Variants in CALY observed in about 807,000 individuals in gnomAD.
The protein encoded by CALY is neuron-specific vesicular protein calcyon.
In CALY, 15 loss-of-function variants were observed where a neutral mutation model predicts 20.2. The observed-to-expected ratio is 0.74, with a 90% CI of 0.50 to 1.14. CALY has a LOEUF of 1.14. CALY is among the 50% of genes most tolerant of loss of function. The pLI, the probability that CALY is intolerant of heterozygous loss-of-function variation, is 0.00. For synonymous variants in CALY, 129 were observed against 131.8 expected, an observed-to-expected ratio of 0.98 and a Z score of 0.15; for missense variants, 270 against 304.4, an observed-to-expected ratio of 0.89 and a Z score of 0.84.
At chr10:133,327,278 G>T in intron 3 of CALY, 1 of 508,186 alleles carries the variant, frequency 2.0e-6, no homozygotes, top group Non-Finnish European at 3.5e-6. Flanking sequence ...GCAGGAATTT[G>T]CAGTTTTCCT....
At chr10:133,331,397 A>G (rs1044303991) in intron 1 of CALY, among the ~76,000 whole-genome samples, 3 of 152,254 alleles carry the variant, frequency 2.0e-5, no homozygotes, top group South Asian at 2.1e-4. Context: ...TAGACAAATC[A>G]TAAGGATCAA....
intron 1 of CALY, among the ~76,000 whole-genome samples, chr10:133,335,895 G>A (rs994263852): frequency 1.3e-5 from 2 of 152,196 alleles, no homozygotes; most frequent in Non-Finnish European, 2.9e-5. Context: ...GGTGAGTGAG[G>A]CCGTGCAGAT....
chr10:133,333,290 G>GAT (rs1564788004), intron 1 of CALY, among the ~76,000 whole-genome samples: 2 of 38,628 alleles, frequency 5.2e-5, no homozygotes, highest in Non-Finnish European at 1.2e-4. Context: ...GGATTGAGGG[G>GAT]GTGGGGGGGG....
rs1001548070 is a variant in CALY, at chr10:133,335,625, C to T, written c.-21+1209G>A. The stretch of plus-strand genomic sequence containing the variant: ...GGACTAGCCTGTGTGTGGGGTCCAA[C>T]CCCCCCACCCCACACACCAGACCTT... On this transcript the variant is annotated intron_variant, in intron 1 of 5. Transcript: ENST00000252939. 6.6e-4 allele frequency among the ~76,000 whole-genome samples: 101 copies of T among 152,126 alleles called. 1 individual carries two copies. The highest frequency in any genetic ancestry group is 2.3e-3 in the African/African-American group (94 of 41,432).
chr10:133,329,788 G>A (rs4838677), intron 1 of CALY, among the ~76,000 whole-genome samples: 4,907 of 152,320 alleles, frequency 0.032, 110 homozygotes, highest in Non-Finnish European at 0.053. Context: ...TAAGCAACGA[G>A]CTCATTTTTA....
At chr10:133,326,648 C>G (rs914142258) in intron 4 of CALY, among the ~76,000 whole-genome samples, 3 of 152,182 alleles carry the variant, frequency 2.0e-5, no homozygotes, top group African/African-American at 7.2e-5. Context: ...ACCTTTTCTG[C>G]CTCATCTTTT....
intron 2 of CALY, among the ~76,000 whole-genome samples, 187 bp from the exon 3 acceptor site, chr10:133,328,202 G>A (rs1367675299): frequency 1.3e-5 from 2 of 152,202 alleles, no homozygotes; most frequent in Non-Finnish European, 2.9e-5. Context: ...GAAGGTGGAC[G>A]CTGAAAGTCT....
Position 133,324,707 on chromosome 10 carries a change from C to A in CALY, c.*888G>T, listed in dbSNP as rs1848176443. The A allele has an allele frequency of 3.0e-6, 1 of 337,104 alleles. No homozygotes were observed. Among genetic ancestry groups the A allele is most frequent in the African/African-American group, 2.4e-5 (1 of 42,492 alleles). The allele number at this position is 337,104 out of a possible 1,614,324, so 20.9% of individuals were successfully genotyped here. A position where few individuals can be genotyped will look rare whatever the true frequency, so the allele number is the denominator to read the frequency against. On this transcript the variant is annotated 3_prime_UTR_variant, in exon 6 of 6. Coordinates refer to ENST00000252939, the MANE Select transcript of CALY (RefSeq NM_015722.4). ...GGGTGAGATCTGCCGGAAGTCCATT[C>A]CCTGTAGTGTTCAGTGCCGGGAGTT...
At chr10:133,332,672 G>T (rs1450137536) in intron 1 of CALY, among the ~76,000 whole-genome samples, 1 of 152,200 alleles carries the variant, frequency 6.6e-6, no homozygotes, top group Non-Finnish European at 1.5e-5. Context: ...TGAGTGAGGG[G>T]TGCCTTTGAA....
intron 1 of CALY, among the ~76,000 whole-genome samples, chr10:133,335,626 C>A (rs1032572309): frequency 1.3e-5 from 2 of 152,302 alleles, no homozygotes; most frequent in East Asian, 1.9e-4. Flanking sequence ...GGGGTCCAAC[C>A]CCCCCACCCC....
intron 1 of CALY, among the ~76,000 whole-genome samples, chr10:133,332,402 T>A (rs1848324695): frequency 6.6e-6 from 1 of 152,124 alleles, no homozygotes; most frequent in African/African-American, 2.4e-5. Context: ...CAATAAAGCA[T>A]CTCAAAGATA....
At chr10:133,329,107 C>T in intron 1 of CALY, 98 bp from the exon 2 acceptor site, 1 of 1,023,846 alleles carries the variant, frequency 9.8e-7, no homozygotes, top group South Asian at 1.7e-5. Context: ...GGGCCTAATG[C>T]TCCTCACACC....
At chr10:133,326,800 ACCCCTGCCAC>A in intron 4 of CALY, 68 bp downstream of exon 4, 1 of 883,398 alleles carries the variant, frequency 1.1e-6, no homozygotes, top group Non-Finnish European at 1.9e-6. Flanking sequence ...AGCAGGAGAC[ACCCCTGCCAC>A]CCCCTGCCTG....
intron 1 of CALY, among the ~76,000 whole-genome samples, chr10:133,335,238 G>A (rs1337751383): frequency 6.6e-6 from 1 of 152,098 alleles, no homozygotes; most frequent in Non-Finnish European, 1.5e-5. Context: ...GACGCCCAGA[G>A]CAAGCCCAGC....
chr10:133,332,707 C>A (rs899380767), intron 1 of CALY, among the ~76,000 whole-genome samples: 1 of 152,148 alleles, frequency 6.6e-6, no homozygotes, highest in East Asian at 1.9e-4. Context: ...AAAATAGGGT[C>A]TTTGCAGATG....
chr10:133,327,556 T>A, intron 3 of CALY: 2 of 580,056 alleles, frequency 3.4e-6, no homozygotes, highest in Non-Finnish European at 6.1e-6. Flanking sequence ...ATTTGCCAGA[T>A]ATACTGCAGA....
At chr10:133,328,392 C>A (rs1848248941) in intron 2 of CALY, among the ~76,000 whole-genome samples, 1 of 152,174 alleles carries the variant, frequency 6.6e-6, no homozygotes. Flanking sequence ...ACTCGGGGTG[C>A]CCTTCATGCT....
chr10:133,325,821 G>A lies in CALY; in HGVS notation c.*6C>T, dbSNP rs35782861. ...TACCCCGGGCCGGGCTGCGGGGCTG[G>A]AGACGTCACTGCGCGGGCGGGGGCG... On this transcript the variant is annotated 3_prime_UTR_variant, in exon 5 of 6. Coordinates refer to ENST00000252939, the MANE Select transcript of CALY (RefSeq NM_015722.4). 1 of 1,213,204 alleles carries A rather than the reference G, an allele frequency of 8.2e-7. No individual in the cohort carries two copies. The highest frequency in any genetic ancestry group is 3.9e-5 in the South Asian group (1 of 25,462). The allele number at this position is 1,213,204 out of a possible 1,614,324, so 75.2% of individuals were successfully genotyped here. A position where few individuals can be genotyped will look rare whatever the true frequency, so the allele number is the denominator to read the frequency against.
At chr10:133,332,917 T>C (rs1848334248) in intron 1 of CALY, among the ~76,000 whole-genome samples, 1 of 152,052 alleles carries the variant, frequency 6.6e-6, no homozygotes, top group Non-Finnish European at 1.5e-5. Context: ...CCTAGAGGCT[T>C]TGGAGGGAGC....
Sources: allele counts gnomAD v4.1 joint callset (sites outside exome capture counted in the v4.1 genomes callset), GRCh38; gene constraint gnomAD v4.1.1; transcripts MANE v1.5; gene names NCBI Gene and HGNC (gene_info 2026-07-23, HGNC 2026-07-21).